Variants in MORC2 observed in about 807,000 individuals in gnomAD.
MORC2 encodes the protein ATPase MORC2.
Under a neutral mutation model 136.0 loss-of-function variants are expected in MORC2, and 30 were observed. The observed-to-expected ratio is 0.22, with a 90% CI of 0.17 to 0.30. The LOEUF (loss-of-function observed/expected upper bound fraction) is 0.30, where lower values mean the gene tolerates loss of function less well. Among genes scored for constraint, MORC2 ranks in the 10% least tolerant of loss-of-function variants. MORC2 has a pLI of 1.00. For synonymous variants in MORC2, 439 were observed against 487.0 expected (o/e 0.90, Z 1.30); for missense variants, 922 against 1,333.1 (o/e 0.69, Z 4.80).
At chr22:30,962,658 T>C (rs914930252) in intron 1 of MORC2, among the ~76,000 whole-genome samples, 3 of 151,206 alleles carry the variant, frequency 2.0e-5, no homozygotes, top group African/African-American at 7.3e-5. Flanking sequence ...GTTCCATGCA[T>C]ACATACATAT....
chr22:30,966,962 A>G (rs896600352), intron 1 of MORC2: 2 of 326,128 alleles, frequency 6.1e-6, no homozygotes, highest in African/African-American at 2.2e-5. Flanking sequence ...ATTACTACAT[A>G]ATGGAAGTCT....
In MORC2 at chr22:30,934,386, G is replaced by C. The variant is rs968923483; in HGVS notation, c.2194-195C>G. 6.6e-6 allele frequency among the ~76,000 whole-genome samples: 1 copy of C among 152,126 alleles called. No homozygotes were observed. Reference sequence around the variant, plus strand: ...GGATTTTTGCTCAAAGCTATCATAGGAGAAGCTTCTCAATTCCCTTCCCAC... The same window carrying C: ...GGATTTTTGCTCAAAGCTATCATAGCAGAAGCTTCTCAATTCCCTTCCCAC... On this transcript the variant is annotated intron_variant, in intron 19 of 25. Transcript: ENST00000397641. This position sits in a 1 kb window ranked among gnomAD's most constrained non-coding sequence, Gnocchi z 4.4.
chr22:30,961,404 G>C (rs1281859769), intron 1 of MORC2, among the ~76,000 whole-genome samples: 2 of 152,102 alleles, frequency 1.3e-5, no homozygotes, highest in Non-Finnish European at 2.9e-5. Context: ...TCTAACATTT[G>C]GTTTCAAACT....
chr22:30,950,311 AAGTATTTTGTAAAAAT>A lies in MORC2; in HGVS notation c.226+50_226+65del, dbSNP rs1447943634. The A allele has an allele frequency of 8.0e-6, 12 of 1,501,420 alleles. No individual in the cohort carries two copies. In the African/African-American group the frequency reaches 1.7e-4, roughly 21 times the overall value. 93.0% of individuals were successfully genotyped at this position (1,501,420 alleles called of 1,614,324 possible). ...CAACAGAAAAACAAGTTCACACAAT[AAGTATTTTGTAAAAAT>A]GGTTACATCGCACCCCCCCACCCCC... is the stretch of plus-strand genomic sequence containing the variant. On this transcript the variant is annotated intron_variant, in intron 4 of 25. Coordinates refer to ENST00000397641, the MANE Select transcript of MORC2 (RefSeq NM_001303256.3).
At chr22:30,965,362 C>T (rs1161346666) in intron 1 of MORC2, among the ~76,000 whole-genome samples, 2 of 152,156 alleles carry the variant, frequency 1.3e-5, no homozygotes, top group South Asian at 2.1e-4. Context: ...GTTCATCTTC[C>T]ATCTTTATGA....
In MORC2 at chr22:30,938,131, A is replaced by T. The variant is rs2040683692; in HGVS notation, c.1148T>A (p.Phe383Tyr). Residue 383 changes from phenylalanine to tyrosine, a missense_variant, in exon 13 of 26, where the codon TTC (phenylalanine) becomes TAC (tyrosine). Transcript: ENST00000397641. The part of the protein sequence containing the change: ...NIEHRDLDGM[F>Y]IYNCSRLIKM... ...GATCAGTCGGCTACAGTTGTAGATG[A>T]ACATGCCATCCAGATCCCGGTGTTC... The T allele has an allele frequency of 1.2e-6, 2 of 1,614,072 alleles. No individual in the cohort carries two copies. Among genetic ancestry groups the T allele is most frequent in the Non-Finnish European group, 1.7e-6 (2 of 1,180,046 alleles).
At position 30,941,605 on chromosome 22, in the gene MORC2, G is replaced by C. The variant is rs1569194945; in HGVS notation, c.699-47C>G. 1.3e-6 allele frequency: 2 copies of C among 1,594,508 alleles called. No individual in the cohort carries two copies. Among genetic ancestry groups the C allele is most frequent in the South Asian group, 2.2e-5 (2 of 89,738 alleles). ...AAGTGCTGTCACCTGCTCCACAACA[G>C]GCCTGACCAAGGGCACAACATCCTC... On this transcript the variant is annotated intron_variant, in intron 8 of 25. Transcript: ENST00000397641. The surrounding 1 kb of genome is among the most constrained non-coding windows in gnomAD (Gnocchi z 4.6).
intron 5 of MORC2, 151 bp downstream of exon 5, chr22:30,949,601 C>T: frequency 2.9e-6 from 2 of 689,540 alleles, no homozygotes; most frequent in Non-Finnish European, 5.0e-6. Flanking sequence ...AGCTGGTAAG[C>T]TACTCCAGAA....
intron 10 of MORC2, among the ~76,000 whole-genome samples, chr22:30,940,340 T>A (rs1356579179): frequency 6.6e-6 from 1 of 150,762 alleles, no homozygotes; most frequent in Non-Finnish European, 1.5e-5. Flanking sequence ...ACACTCAGCT[T>A]GAGCTGGAAG....
rs1214821336 is a variant in MORC2, at chr22:30,963,238, A to G, written c.69-4544T>C. 7.0e-6 allele frequency: 6 copies of G among 857,994 alleles called. No individual in the cohort carries two copies. The East Asian group carries it at 7.2e-4, about 104-fold the overall frequency. 53.1% of individuals were successfully genotyped at this position (857,994 alleles called of 1,614,324 possible). The stretch of plus-strand genomic sequence containing the variant: ...TGATCCACCCACCTCGGCCTCCCAA[A>G]GTGCTGGGATTACAGGCGTGAGCCA... On this transcript the variant is annotated intron_variant, in intron 1 of 25. Transcript: ENST00000397641.
intron 6 of MORC2, among the ~76,000 whole-genome samples, chr22:30,943,409 C>A (rs1188372607): frequency 1.3e-5 from 2 of 152,180 alleles, no homozygotes; most frequent in Non-Finnish European, 2.9e-5. Flanking sequence ...TAAAATTGTC[C>A]TCTGAACTGC....
intron 1 of MORC2, among the ~76,000 whole-genome samples, chr22:30,960,742 C>T (rs1290430089): frequency 2.0e-5 from 3 of 149,274 alleles, no homozygotes; most frequent in Non-Finnish European, 3.0e-5. Context: ...CCGCCCGCCT[C>T]GGCCTCCCAA....
intron 1 of MORC2, among the ~76,000 whole-genome samples, chr22:30,965,963 G>A (rs2041122471): frequency 6.6e-6 from 1 of 152,206 alleles, no homozygotes. Flanking sequence ...CTTAAATCTT[G>A]GCACCGTTTA....
Position 30,935,291 on chromosome 22 carries a change from A to C in MORC2, c.1769T>G (p.Leu590Arg), listed in dbSNP as rs779894782. 3 of 1,613,824 alleles carry C rather than the reference A, an allele frequency of 1.9e-6. No individual in the cohort carries two copies. The highest frequency in any genetic ancestry group is 1.7e-5 in the Admixed American group (1 of 59,966). The change falls in exon 18 of 26, where the codon CTG becomes CGG. Residue 590 changes from leucine to arginine, a missense_variant. Around this residue, in one of 9 missense-constraint regions of MORC2, gnomAD observed 119 missense variants for 202.7 expected, o/e 0.59. Transcript: ENST00000397641. The stretch of plus-strand genomic sequence containing the variant: ...GGTCACTTCCAAGGGCAATTTCTTC[A>C]GGTCTGCTTGGGAGCGGATGGGTGT... ...KTTPIRSQAD[L>R]KKLPLEVTTR... is the part of the protein sequence containing the mutation.
intron 24 of MORC2, among the ~76,000 whole-genome samples, chr22:30,928,776 G>C (rs2040529671): frequency 6.6e-6 from 1 of 152,188 alleles, no homozygotes; most frequent in Non-Finnish European, 1.5e-5. Context: ...TTTTCTAGTG[G>C]CTTTTCAGAC....
chr22:30,936,601 T>C lies in MORC2; in HGVS notation c.1647A>G (p.Thr549=), dbSNP rs764877984. 3.1e-6 allele frequency: 5 copies of C among 1,614,226 alleles called. No homozygotes were observed. In the South Asian group the frequency reaches 4.4e-5, roughly 14 times the overall value. ...SEQKQKVPLG[T]FRKDMKTQEE... is the part of the protein sequence containing the mutation. The stretch of plus-strand genomic sequence containing the variant: ...CCTGCGTCTTCATGTCCTTTCTGAA[T>C]GTTCCCAGGGGAACCTTCTGCTTTT... Residue 549 remains threonine, a synonymous_variant, in exon 17 of 26, where the codon ACA becomes ACG. Coordinates refer to ENST00000397641, the MANE Select transcript of MORC2 (RefSeq NM_001303256.3).
At chr22:30,936,454 G>A in intron 17 of MORC2, 57 bp downstream of exon 17, 1 of 1,602,002 alleles carries the variant, frequency 6.2e-7, no homozygotes, top group Admixed American at 1.7e-5. Context: ...GAAGGTTCCT[G>A]TCACAGGCAG....
At chr22:30,964,100 G>A (rs999485849) in intron 1 of MORC2, among the ~76,000 whole-genome samples, 1 of 152,162 alleles carries the variant, frequency 6.6e-6, no homozygotes. Flanking sequence ...GCTCAGATCT[G>A]TAATCCCAGC....
chr22:30,941,333 C>A lies in MORC2; in HGVS notation c.824+100G>T. ...AAGTCCCAAACGTAGTCAGCACTGCCAGAGCCTCTTATACAGCATCCCTCT... is the reference window on the plus strand; with the variant it reads ...AAGTCCCAAACGTAGTCAGCACTGCAAGAGCCTCTTATACAGCATCCCTCT... On this transcript the variant is annotated intron_variant, in intron 9 of 25. Transcript: ENST00000397641. This position sits in a 1 kb window ranked among gnomAD's most constrained non-coding sequence, Gnocchi z 4.6. The A allele has an allele frequency of 6.7e-7, 1 of 1,503,468 alleles. No individual in the cohort carries two copies. The highest frequency in any genetic ancestry group is 1.3e-5 in the South Asian group (1 of 78,860). The allele number at this position is 1,503,468 out of a possible 1,614,324, so 93.1% of individuals were successfully genotyped here.
Sources: gnomAD v4.1 joint callset for allele counts (sites outside exome capture counted in the v4.1 genomes callset) on GRCh38, gnomAD v4.1.1 for gene constraint, gnomAD v4.1.1 regional missense constraint, Gnocchi (gnomAD v3.1) non-coding constraint, MANE v1.5 for transcripts, NCBI Gene and HGNC (gene_info 2026-07-23, HGNC 2026-07-21) for gene names.